The following SNCAIP variants were observed in gnomAD, a reference collection of about 807,000 sequenced individuals.
SNCAIP encodes the protein synphilin-1.
In SNCAIP, 43 loss-of-function variants were observed where a neutral mutation model predicts 86.7. The ratio of observed to expected loss-of-function variants is 0.50; its 90% CI spans 0.39 to 0.64. The LOEUF (loss-of-function observed/expected upper bound fraction) is 0.64. Ranked by LOEUF, SNCAIP falls within the 30% of genes least tolerant of loss-of-function variation. SNCAIP has a pLI of 0.00. For missense variants in SNCAIP, 981 were observed against 1,103.1 expected (o/e 0.89, Z 1.57); for synonymous variants, 417 against 427.2 (o/e 0.98, Z 0.29).
chr5:122,350,897 C>T (rs986160298), intron 1 of SNCAIP, among the ~76,000 whole-genome samples: 4 of 152,104 alleles, frequency 2.6e-5, no homozygotes, highest in Admixed American at 6.5e-5. Flanking sequence ...TAGCAGAAGC[C>T]GGAACACCAA....
At chr5:122,392,223 C>T (rs1769526469) in intron 2 of SNCAIP, among the ~76,000 whole-genome samples, 1 of 152,042 alleles carries the variant, frequency 6.6e-6, no homozygotes, top group African/African-American at 2.4e-5. Flanking sequence ...GATAAATCAC[C>T]TATTTTATAC....
intron 10 of SNCAIP, among the ~76,000 whole-genome samples, chr5:122,453,670 T>C (rs187939076): frequency 1.3e-5 from 2 of 152,220 alleles, no homozygotes; most frequent in Admixed American, 1.3e-4. Context: ...CAACATAGCT[T>C]TCATCTCCCT....
intron 1 of SNCAIP, among the ~76,000 whole-genome samples, chr5:122,354,166 A>T (rs188146561): frequency 6.6e-6 from 1 of 152,320 alleles, no homozygotes; most frequent in African/African-American, 2.4e-5. Flanking sequence ...GTCTGGACTC[A>T]GTAGACATTT....
At chr5:122,392,378 G>T (rs897280609) in intron 2 of SNCAIP, among the ~76,000 whole-genome samples, 3 of 151,748 alleles carry the variant, frequency 2.0e-5, no homozygotes, top group Non-Finnish European at 4.4e-5. Context: ...TTTTGTCTAC[G>T]TGTCTGTCTG....
intron 1 of SNCAIP, among the ~76,000 whole-genome samples, chr5:122,359,968 G>A (rs962798856): frequency 6.6e-6 from 1 of 152,130 alleles, no homozygotes; most frequent in African/African-American, 2.4e-5. Context: ...ATCTCATGCT[G>A]CAAGGATTCC....
chr5:122,384,719 G>A (rs1204627811), intron 1 of SNCAIP, among the ~76,000 whole-genome samples: 1 of 152,176 alleles, frequency 6.6e-6, no homozygotes, highest in Non-Finnish European at 1.5e-5. Context: ...CTAGGAGCTG[G>A]AGCAGGCTCA....
intron 1 of SNCAIP, among the ~76,000 whole-genome samples, chr5:122,343,213 C>G (rs944982140): frequency 6.6e-6 from 1 of 152,166 alleles, no homozygotes; most frequent in Non-Finnish European, 1.5e-5. Flanking sequence ...CTGCTTACTT[C>G]TTAGTTGTGG....
At chr5:122,431,900 C>A in intron 5 of SNCAIP, 69 bp from the exon 6 acceptor site, 1 of 779,212 alleles carries the variant, frequency 1.3e-6, no homozygotes, top group Non-Finnish European at 2.3e-6. Context: ...GTGAAATTAC[C>A]ATCTTTAATG....
Position 122,403,792 on chromosome 5 carries a change from G to T in SNCAIP, c.58-1G>T. 1 of 1,612,516 alleles carries T rather than the reference G, an allele frequency of 6.2e-7. No individual in the cohort carries two copies. ...CCTCTCTTCTCTGGCTTCCCGTTCAGTATTCAGTCACATCACTCAAGACGA... is the reference window on the plus strand; with the variant it reads ...CCTCTCTTCTCTGGCTTCCCGTTCATTATTCAGTCACATCACTCAAGACGA... On this transcript the variant is annotated splice_acceptor_variant, in intron 2 of 10. Transcript: ENST00000261368. LOFTEE classifies it high-confidence loss of function.
chr5:122,411,888 C>A (rs1304806931), intron 3 of SNCAIP, among the ~76,000 whole-genome samples: 1 of 152,180 alleles, frequency 6.6e-6, no homozygotes, highest in East Asian at 1.9e-4. Flanking sequence ...TTTAGTGAGG[C>A]ACAGTGATCT....
intron 6 of SNCAIP, among the ~76,000 whole-genome samples, chr5:122,435,877 A>G (rs567203863): frequency 2.6e-5 from 4 of 152,318 alleles, no homozygotes; most frequent in African/African-American, 9.6e-5. Context: ...CTGCGATCAC[A>G]GATGAAAGCA....
chr5:122,406,688 G>T (rs1196209853), intron 3 of SNCAIP, among the ~76,000 whole-genome samples: 1 of 152,092 alleles, frequency 6.6e-6, no homozygotes, highest in Non-Finnish European at 1.5e-5. Context: ...CACCATGTGA[G>T]ATGCCTCATT....
chr5:122,314,854 G>A lies in SNCAIP; in HGVS notation c.-47+2570G>A, dbSNP rs989450025. On this transcript the variant is annotated intron_variant, in intron 1 of 10. Coordinates refer to ENST00000261368, the MANE Select transcript of SNCAIP (RefSeq NM_005460.4). ...ACTAATTGATTCCTAAATAGTTATC[G>A]TGCATTTACTTTGTGCTTATTTGTA... Among the ~76,000 whole-genome samples the A allele has an allele frequency of 4.6e-5, 7 of 152,078 alleles. No individual in the cohort carries two copies. In the East Asian group the frequency reaches 9.6e-4, roughly 21 times the overall value.
At chr5:122,457,516 T>C (rs1178784081) in intron 10 of SNCAIP, among the ~76,000 whole-genome samples, 3 of 152,076 alleles carry the variant, frequency 2.0e-5, no homozygotes, top group Admixed American at 6.6e-5. Flanking sequence ...TCTCCCACAG[T>C]GTACCCCCAG....
At chr5:122,369,274 G>T (rs146323834) in intron 1 of SNCAIP, among the ~76,000 whole-genome samples, 1 of 152,142 alleles carries the variant, frequency 6.6e-6, no homozygotes, top group Non-Finnish European at 1.5e-5. Flanking sequence ...CCAAATGAAG[G>T]CAGTATGTTT....
In SNCAIP at chr5:122,345,048, A is replaced by G. The variant is rs1021430089; in HGVS notation, c.-47+32764A>G. On this transcript the variant is annotated intron_variant, in intron 1 of 10. Transcript: ENST00000261368. ...GTGTTCTGGTCTTGAAAAATTAAGA[A>G]CATGTGTCCCAACAAGGTAGAGAAT... Among the ~76,000 whole-genome samples the G allele has an allele frequency of 4.6e-5, 7 of 152,350 alleles. No homozygotes were observed. The East Asian group carries it at 1.2e-3, about 25-fold the overall frequency.
chr5:122,357,220 C>T (rs1761198338), intron 1 of SNCAIP, among the ~76,000 whole-genome samples: 1 of 151,918 alleles, frequency 6.6e-6, no homozygotes, highest in Admixed American at 6.6e-5. Flanking sequence ...CCTAATGTTA[C>T]CTCTTTATTT....
chr5:122,330,113 A>ATTTTTTTTTTTTTTT (rs1387266417), intron 1 of SNCAIP, among the ~76,000 whole-genome samples: 2 of 120,360 alleles, frequency 1.7e-5, no homozygotes, highest in Non-Finnish European at 3.3e-5. Flanking sequence ...GTACAACTTC[A>ATTTTTTTTTTTTTTT]TTTCTTTTTT....
intron 1 of SNCAIP, among the ~76,000 whole-genome samples, chr5:122,332,807 T>C (rs1427448176): frequency 1.3e-5 from 2 of 152,184 alleles, no homozygotes; most frequent in African/African-American, 4.8e-5. Context: ...AGGGCTTTGC[T>C]GTGAGGCCCA....
Sources: gnomAD v4.1 joint callset for allele counts (sites outside exome capture counted in the v4.1 genomes callset) on GRCh38, gnomAD v4.1.1 for gene constraint, MANE v1.5 for transcripts, NCBI Gene and HGNC (gene_info 2026-07-23, HGNC 2026-07-21) for gene names.